The following RFNG variants were observed in gnomAD, a reference collection of about 807,000 sequenced individuals.
RFNG encodes the protein beta-1,3-N-acetylglucosaminyltransferase radical fringe.
Under a neutral mutation model 29.6 loss-of-function variants are expected in RFNG, and 37 were observed. The observed-to-expected ratio is 1.25, with a 90% CI of 0.96 to 1.65. RFNG has a LOEUF of 1.65. Ranked by LOEUF, RFNG falls within the 40% of genes most tolerant of loss-of-function variation. RFNG has a pLI of 0.00. For missense variants in RFNG, 546 were observed against 457.0 expected, an observed-to-expected ratio of 1.19 and a Z score of -1.78; for synonymous variants, 276 against 197.3, an observed-to-expected ratio of 1.40 and a Z score of -3.34.
Position 82,051,761 on chromosome 17 carries a change from G to A in RFNG, c.6C>T (p.Ser2=), listed in dbSNP as rs979230785. Residue 2 remains serine (S), a synonymous_variant, in exon 1 of 8, where the codon AGC becomes AGT. Coordinates refer to ENST00000310496, the MANE Select transcript of RFNG (RefSeq NM_002917.2). This position sits in a 1 kb window ranked among gnomAD's most constrained non-coding sequence, Gnocchi z 4.1. Reference sequence around the variant, plus strand: ...CCCGGCACAGCGCCCCACGCGCGCGGCTCATGCGGCCGCCGGGACCCCCGG... The same window carrying A: ...CCCGGCACAGCGCCCCACGCGCGCGACTCATGCGGCCGCCGGGACCCCCGG... M[S]RARGALCRAC... 5.0e-5 allele frequency: 55 copies of A among 1,094,478 alleles called. No individual in the cohort carries two copies. The highest frequency in any genetic ancestry group is 4.9e-5 in the Non-Finnish European group (44 of 901,490). 67.8% of individuals were successfully genotyped at this position (1,094,478 alleles called of 1,614,324 possible). A position where few individuals can be genotyped will look rare whatever the true frequency, so the allele number is the denominator to read the frequency against.
chr17:82,050,103 A>G, intron 4 of RFNG, 97 bp from the exon 5 acceptor site: 2 of 1,080,402 alleles, frequency 1.9e-6, no homozygotes, highest in Non-Finnish European at 2.8e-6. Context: ...GCTGCCCCTT[A>G]GGAGATCCCA....
rs746744215 is a variant in RFNG, at chr17:82,051,236, G to A, written c.316+58C>T. The A allele has an allele frequency of 3.0e-6, 4 of 1,323,784 alleles. No individual in the cohort carries two copies. The highest frequency in any genetic ancestry group is 3.9e-6 in the Non-Finnish European group (4 of 1,033,328). 82.0% of individuals were successfully genotyped at this position (1,323,784 alleles called of 1,614,324 possible). ...CAGCAGCGAAGGGGCCGTGGCTTCG[G>A]AGCGAGAAAGGCTCGGGGGGCAGAT... On this transcript the variant is annotated intron_variant, in intron 2 of 7. Transcript: ENST00000310496. The surrounding 1 kb of genome is among the most constrained non-coding windows in gnomAD (Gnocchi z 4.1).
chr17:82,050,633 T>C, intron 3 of RFNG, 29 bp downstream of exon 3: 1 of 1,610,954 alleles, frequency 6.2e-7, no homozygotes, highest in Admixed American at 1.7e-5. Context: ...GGCTCTGAGC[T>C]CTCTGCGGGT....
Position 82,049,047 on chromosome 17 carries a change from G to A in RFNG, c.898C>T (p.His300Tyr), listed in dbSNP as rs751411901. ...VVNVAGGFSLHQDPTRFKSIH... is the reference protein window; with the variant it reads ...VVNVAGGFSLYQDPTRFKSIH... Reference sequence around the variant, plus strand: ...CCTACTCACCGTGTGGGGTCTTGATGCAGGCTGAAGCCTCCAGCCACGTTC... The same window carrying A: ...CCTACTCACCGTGTGGGGTCTTGATACAGGCTGAAGCCTCCAGCCACGTTC... The change falls in exon 7 of 8, where the codon CAT becomes TAT. Residue 300 changes from histidine (H) to tyrosine (Y), a missense_variant. Physicochemically the swap from His to Tyr is moderately conservative, Grantham distance 83. Transcript: ENST00000310496. 3 of 1,613,300 alleles carry A rather than the reference G, an allele frequency of 1.9e-6. No homozygotes were observed. The highest frequency in any genetic ancestry group is 1.7e-6 in the Non-Finnish European group (2 of 1,179,840).
chr17:82,051,021 A>T lies in RFNG; in HGVS notation c.317-257T>A, dbSNP rs2030467587. On this transcript the variant is annotated intron_variant, in intron 2 of 7. Transcript: ENST00000310496. The surrounding 1 kb of genome is among the most constrained non-coding windows in gnomAD (Gnocchi z 4.1). ...GGCAGCTCGCCCTGACCTGGCCTGGAAGGGCGGATTCCCTGCTGGCGCTTC... is the reference window on the plus strand; with the variant it reads ...GGCAGCTCGCCCTGACCTGGCCTGGTAGGGCGGATTCCCTGCTGGCGCTTC... The T allele has an allele frequency of 7.1e-7, 1 of 1,401,046 alleles. No homozygotes were observed. Among genetic ancestry groups the T allele is most frequent in the Non-Finnish European group, 9.2e-7 (1 of 1,082,354 alleles). The allele number at this position is 1,401,046 out of a possible 1,614,324, so 86.8% of individuals were successfully genotyped here.
At position 82,049,794 on chromosome 17, in the gene RFNG, G is replaced by A; in HGVS notation, c.711C>T (p.Asp237=). ...STAEQVRLPD[D]CTVGYIVEGL... ...CCTCCACGATGTAGCCAACTGTGCA[G>A]TCATCCGGCAGCCGCACCTGCTCAG... The change falls in exon 6 of 8, where the codon GAC becomes GAT. Residue 237 remains aspartate (D), a synonymous_variant. Transcript: ENST00000310496. 1.3e-6 allele frequency: 2 copies of A among 1,546,984 alleles called. No individual in the cohort carries two copies. The highest frequency in any genetic ancestry group is 1.7e-6 in the Non-Finnish European group (2 of 1,150,016).
chr17:82,051,350 A>G lies in RFNG; in HGVS notation c.268-8T>C, dbSNP rs1462504825. ...GTCGGTGAAGATAAACGTCTGGGGG[A>G]GAAACAATCTATGAGGCTTCTGGGG... On this transcript the variant is annotated splice_polypyrimidine_tract_variant and splice_region_variant and intron_variant, in intron 1 of 7. Transcript: ENST00000310496. The surrounding 1 kb of genome is among the most constrained non-coding windows in gnomAD (Gnocchi z 4.1). 1 of 1,466,982 alleles carries G rather than the reference A, an allele frequency of 6.8e-7. No individual in the cohort carries two copies. The highest frequency in any genetic ancestry group is 8.9e-7 in the Non-Finnish European group (1 of 1,119,242). 90.9% of individuals were successfully genotyped at this position (1,466,982 alleles called of 1,614,324 possible).
intron 7 of RFNG, 82 bp from the exon 8 acceptor site, chr17:82,048,889 G>C: frequency 6.8e-7 from 1 of 1,462,030 alleles, no homozygotes; most frequent in South Asian, 1.1e-5. Context: ...GGAGAACCTG[G>C]GGTCAGGGCC....
At position 82,048,824 on chromosome 17, in the gene RFNG, T is replaced by C; in HGVS notation, c.915-17A>G. On this transcript the variant is annotated splice_polypyrimidine_tract_variant and intron_variant, in intron 7 of 7. Transcript: ENST00000310496. ...GACTTAAACCTGGGGAAGGAAGAAG[T>C]AGGGGTCAGGGCCGTGGGCGGAGAG... The C allele has an allele frequency of 2.5e-6, 4 of 1,602,832 alleles. No homozygotes were observed. Among genetic ancestry groups the C allele is most frequent in the African/African-American group, 1.4e-5 (1 of 73,800 alleles).
At position 82,049,601 on chromosome 17, in the gene RFNG, G is replaced by A. The variant is rs1302364583; in HGVS notation, c.828+76C>T. On this transcript the variant is annotated intron_variant, in intron 6 of 7. Coordinates refer to ENST00000310496, the MANE Select transcript of RFNG (RefSeq NM_002917.2). ...TGCCTGCTCAGCCGGGCATCGGGCC[G>A]GGGCAGTGGGGCCCCTGGGGGAGTC... The A allele has an allele frequency of 6.9e-6, 10 of 1,443,496 alleles. No homozygotes were observed. In the East Asian group the frequency reaches 7.4e-5, roughly 11 times the overall value. The allele number at this position is 1,443,496 out of a possible 1,614,324, so 89.4% of individuals were successfully genotyped here. A position where few individuals can be genotyped will look rare whatever the true frequency, so the allele number is the denominator to read the frequency against.
rs1444533773 is a variant in RFNG at position 82,049,925 on chromosome 17, A to C, written c.655T>G (p.Trp219Gly). ...SRGLALKMSP[W>G]ASLGSFMSTA... is the part of the protein sequence containing the mutation. ...AGCTGGACCCCCACTCACCTGGCCC[A>C]TGGGCTCATCTTGAGGGCAAGGCCT... The change falls in exon 5 of 8, where the codon TGG (tryptophan) becomes GGG (glycine). Residue 219 changes from tryptophan (W) to glycine (G), a missense_variant. Coordinates refer to ENST00000310496, the MANE Select transcript of RFNG (RefSeq NM_002917.2). 1 of 1,612,282 alleles carries C rather than the reference A, an allele frequency of 6.2e-7. No individual in the cohort carries two copies. The highest frequency in any genetic ancestry group is 1.7e-5 in the Admixed American group (1 of 59,954).
rs1479930425 is a variant in RFNG at position 82,051,725 on chromosome 17, C to A, written c.42G>T (p.Ala14=). 24 of 1,056,668 alleles carry A rather than the reference C, an allele frequency of 2.3e-5. No individual in the cohort carries two copies. Among genetic ancestry groups the A allele is most frequent in the Non-Finnish European group, 2.7e-5 (24 of 878,464 alleles). The allele number at this position is 1,056,668 out of a possible 1,614,324, so 65.5% of individuals were successfully genotyped here. ...GCAGCGCGGCCAGGGCCGCGGCCAG[C>A]GCGAGGCAGGCCCGGCACAGCGCCC... ...ARGALCRACL[A]LAAALAALLL... is the part of the protein sequence containing the mutation. Residue 14 remains alanine (A), a synonymous_variant, in exon 1 of 8, where the codon GCG becomes GCT. Transcript: ENST00000310496. The surrounding 1 kb of genome is among the most constrained non-coding windows in gnomAD (Gnocchi z 4.1).
At position 82,050,714 on chromosome 17, in the gene RFNG, G is replaced by C; in HGVS notation, c.367C>G (p.Leu123Val). 1.2e-6 allele frequency: 2 copies of C among 1,613,256 alleles called. No individual in the cohort carries two copies. The highest frequency in any genetic ancestry group is 1.7e-6 in the Non-Finnish European group (2 of 1,179,958). Residue 123 changes from leucine to valine, a missense_variant, in exon 3 of 8, where the codon CTC becomes GTC. Physicochemically the swap from Leu to Val is conservative, Grantham distance 32. Coordinates refer to ENST00000310496, the MANE Select transcript of RFNG (RefSeq NM_002917.2). The stretch of plus-strand genomic sequence containing the variant: ...TACTCCACGGACATCTTGCAGCAGA[G>C]GGCCTGACGAGTGCGCACCGCCGAG... ...NCSAVRTRQA[L>V]CCKMSVEYDK...
rs1435137340 is a variant in RFNG at position 82,051,640 on chromosome 17, G to A, written c.127C>T (p.Pro43Ser). Residue 43 changes from proline to serine, a missense_variant, in exon 1 of 8, where the codon CCG (proline) becomes TCG (serine). Transcript: ENST00000310496. This position sits in a 1 kb window ranked among gnomAD's most constrained non-coding sequence, Gnocchi z 4.1. ...GCGGGCCGGGACGGGGGCGCGCGCG[G>A]GGCCGGGGCGGGGGTCCGGGCCGGG... ...PAPARTPAPA[P>S]RAPPSRPAAP... is the part of the protein sequence containing the mutation. 9.2e-7 allele frequency: 1 copy of A among 1,087,588 alleles called. No individual in the cohort carries two copies. The allele number at this position is 1,087,588 out of a possible 1,614,324, so 67.4% of individuals were successfully genotyped here.
At position 82,050,052 on chromosome 17, in the gene RFNG, AC is replaced by A. The variant is rs564375222; in HGVS notation, c.574-47del. On this transcript the variant is annotated intron_variant, in intron 4 of 7. Coordinates refer to ENST00000310496, the MANE Select transcript of RFNG (RefSeq NM_002917.2). The stretch of plus-strand genomic sequence containing the variant: ...AGAGCTGCCCAGGACAGGGCTTCTC[AC>A]CCCTGACTCTTCATGGGACTCCCCA... The A allele has an allele frequency of 5.3e-4, 786 of 1,484,146 alleles. 5 individuals carry two copies. In the African/African-American group the frequency reaches 9.9e-3, roughly 19 times the overall value. 91.9% of individuals were successfully genotyped at this position (1,484,146 alleles called of 1,614,324 possible).
At position 82,050,495 on chromosome 17, in the gene RFNG, G is replaced by C. The variant is rs779138372; in HGVS notation, c.480C>G (p.Leu160=). 9.9e-6 allele frequency: 16 copies of C among 1,613,086 alleles called. No individual in the cohort carries two copies. Among genetic ancestry groups the C allele is most frequent in the Admixed American group, 6.7e-5 (4 of 60,010 alleles). The change falls in exon 4 of 8, where the codon CTC becomes CTG. Residue 160 remains leucine, a synonymous_variant. Transcript: ENST00000310496. ...YVNARSLLHL[L]SSFSPSQDVY... is the part of the protein sequence containing the mutation. ...CGTCCTGGCTGGGTGAGAAGCTGGA[G>C]AGCAGGTGCAGGAGGCTCCTGGCGT...
At chr17:82,049,302 C>A (rs1260885949) in intron 6 of RFNG, 186 bp from the exon 7 acceptor site, 1 of 705,868 alleles carries the variant, frequency 1.4e-6, no homozygotes, top group Non-Finnish European at 2.6e-6. Flanking sequence ...CAGGCAGAGC[C>A]TGGGGGACAG....
In RFNG at chr17:82,050,471, G is replaced by T; in HGVS notation, c.504C>A (p.Asp168Glu). The change falls in exon 4 of 8, where the codon GAC becomes GAA. Residue 168 changes from aspartate (D) to glutamate (E), a missense_variant. By Grantham distance (45) the Asp-to-Glu change is conservative. Transcript: ENST00000310496. ...CCAGGCTGGGCCGCCCCAGGTAGAC[G>T]TCCTGGCTGGGTGAGAAGCTGGAGA... ...HLLSSFSPSQ[D>E]VYLGRPSLDH... 4 of 1,612,910 alleles carry T rather than the reference G, an allele frequency of 2.5e-6. No homozygotes were observed. The South Asian group carries it at 3.3e-5, about 13-fold the overall frequency.
Position 82,051,070 on chromosome 17 carries a change from C to T in RFNG, c.316+224G>A. Reference sequence around the variant, plus strand: ...TCTTCAGGGGACGTGGCACTAGCCCCACGCCCCGGGAAGCGGCTAGTGTGA... The same window carrying T: ...TCTTCAGGGGACGTGGCACTAGCCCTACGCCCCGGGAAGCGGCTAGTGTGA... On this transcript the variant is annotated intron_variant, in intron 2 of 7. Coordinates refer to ENST00000310496, the MANE Select transcript of RFNG (RefSeq NM_002917.2). This position sits in a 1 kb window ranked among gnomAD's most constrained non-coding sequence, Gnocchi z 4.1. 1 of 1,370,810 alleles carries T rather than the reference C, an allele frequency of 7.3e-7. No individual in the cohort carries two copies. Among genetic ancestry groups the T allele is most frequent in the Admixed American group, 3.4e-5 (1 of 29,140 alleles). 84.9% of individuals were successfully genotyped at this position (1,370,810 alleles called of 1,614,324 possible). A position where few individuals can be genotyped will look rare whatever the true frequency, so the allele number is the denominator to read the frequency against.
Sources: allele counts gnomAD v4.1 joint callset, GRCh38; gene constraint gnomAD v4.1.1; non-coding constraint Gnocchi (gnomAD v3.1); transcripts MANE v1.5; gene names NCBI Gene and HGNC (gene_info 2026-07-23, HGNC 2026-07-21).